Variants in TOP1MT observed in about 807,000 individuals in gnomAD.
TOP1MT encodes DNA topoisomerase I, mitochondrial.
In TOP1MT, 80 loss-of-function variants were observed where a neutral mutation model predicts 73.9. That is an observed-to-expected ratio of 1.08 (90% CI 0.90 to 1.30). TOP1MT has a LOEUF of 1.30. TOP1MT is among the 50% of genes most tolerant of loss of function. TOP1MT has a pLI of 0.00. For missense variants in TOP1MT, 815 were observed against 808.0 expected, an observed-to-expected ratio of 1.01 and a Z score of -0.10; for synonymous variants, 338 against 326.4, an observed-to-expected ratio of 1.04 and a Z score of -0.38.
chr8:143,313,707 T>C (rs984079313), intron 12 of TOP1MT, among the ~76,000 whole-genome samples: 3 of 150,894 alleles, frequency 2.0e-5, no homozygotes, highest in Non-Finnish European at 3.0e-5. Flanking sequence ...ACAAAAAAAT[T>C]AGCCGGGCAT....
At chr8:143,321,778 G>A (rs1275923787) in intron 7 of TOP1MT, among the ~76,000 whole-genome samples, 1 of 76,472 alleles carries the variant, frequency 1.3e-5, no homozygotes, top group East Asian at 4.4e-4. Context: ...CCACACACAC[G>A]CACGCCACAC....
At chr8:143,319,005 C>T (rs1410250500) in intron 8 of TOP1MT, among the ~76,000 whole-genome samples, 1 of 152,220 alleles carries the variant, frequency 6.6e-6, no homozygotes. Context: ...AGTCCTCTGT[C>T]TGGACAGAGT....
intron 1 of TOP1MT, 121 bp downstream of exon 1, chr8:143,334,619 C>G (rs930204145): frequency 2.8e-6 from 4 of 1,437,828 alleles, no homozygotes; most frequent in Non-Finnish European, 3.7e-6. Flanking sequence ...TCTCCTGGCC[C>G]GACTTTTGGG....
intron 10 of TOP1MT, among the ~76,000 whole-genome samples, 161 bp from the exon 11 acceptor site, chr8:143,316,287 G>C (rs915278661): frequency 2.6e-5 from 4 of 152,220 alleles, no homozygotes; most frequent in African/African-American, 9.6e-5. Context: ...GACCCTCCAA[G>C]GTGGCCTCGA....
intron 2 of TOP1MT, among the ~76,000 whole-genome samples, chr8:143,342,118 GAC>G (rs1402254776): frequency 2.3e-5 from 3 of 128,960 alleles, no homozygotes; most frequent in Non-Finnish European, 4.5e-5. Context: ...TATTATTAGA[GAC>G]ACAGTCTCGC....
At chr8:143,320,630 T>C (rs1344453921) in intron 8 of TOP1MT, among the ~76,000 whole-genome samples, 5 of 152,054 alleles carry the variant, frequency 3.3e-5, no homozygotes, top group African/African-American at 4.8e-5. Context: ...ATAGAAAGAG[T>C]GGGCTGGGCC....
At position 143,332,053 on chromosome 8, in the gene TOP1MT, A is replaced by C. The variant is rs569402903; in HGVS notation, c.123-714T>G. The stretch of plus-strand genomic sequence containing the variant: ...CCCCTTCTGGCAAGCCCAGCTCTGG[A>C]GATTGGGGGGGTGTTGGAGGGGGTG... On this transcript the variant is annotated intron_variant, in intron 1 of 13. Coordinates refer to ENST00000329245, the MANE Select transcript of TOP1MT (RefSeq NM_052963.3). 2.0e-4 allele frequency among the ~76,000 whole-genome samples: 23 copies of C among 116,622 alleles called. No homozygotes were observed. In the East Asian group the frequency reaches 6.5e-3, roughly 33 times the overall value. 76.5% of individuals were successfully genotyped at this position (116,622 alleles called of 152,430 possible). A position where few individuals can be genotyped will look rare whatever the true frequency, so the allele number is the denominator to read the frequency against.
intron 2 of TOP1MT, among the ~76,000 whole-genome samples, chr8:143,342,834 G>T (rs377539976): frequency 4.3e-5 from 6 of 140,784 alleles, no homozygotes; most frequent in African/African-American, 1.7e-4. Context: ...ACCCAGGCTG[G>T]AGTGCAGTGG....
intron 12 of TOP1MT, among the ~76,000 whole-genome samples, chr8:143,312,306 A>T (rs1016803281): frequency 6.6e-6 from 1 of 152,238 alleles, no homozygotes; most frequent in African/African-American, 2.4e-5. Context: ...ATGAATACAG[A>T]TGCAAAAACC....
At chr8:143,315,658 C>T in intron 12 of TOP1MT, 69 bp downstream of exon 12, 7 of 1,265,522 alleles carry the variant, frequency 5.5e-6, no homozygotes, top group Non-Finnish European at 6.8e-6. Flanking sequence ...CCCACCGACC[C>T]TGTGGGGCTG....
intron 1 of TOP1MT, among the ~76,000 whole-genome samples, chr8:143,353,297 T>G (rs1429333215): frequency 6.6e-6 from 1 of 151,960 alleles, no homozygotes; most frequent in South Asian, 2.1e-4. Context: ...ACACCTGTAT[T>G]CCCAGCTACT....
intron 3 of TOP1MT, chr8:143,328,181 A>G: frequency 4.4e-6 from 2 of 451,552 alleles, no homozygotes; most frequent in Admixed American, 2.4e-5. Flanking sequence ...AACAGGACAC[A>G]AAAGTACTCA....
chr8:143,325,601 G>A (rs1816686299), intron 4 of TOP1MT, 68 bp from the exon 5 acceptor site: 2 of 1,462,982 alleles, frequency 1.4e-6, no homozygotes, highest in East Asian at 2.3e-5. Context: ...GTCCGTTGTT[G>A]CTAACCCGGG....
chr8:143,347,727 GC>G (rs1817252186), upstream of TOP1MT, among the ~76,000 whole-genome samples: 1 of 151,938 alleles, frequency 6.6e-6, no homozygotes, highest in Non-Finnish European at 1.5e-5. Flanking sequence ...CAGCCAGCCA[GC>G]CAGCGGGGAA....
intron 9 of TOP1MT, 83 bp from the exon 10 acceptor site, chr8:143,317,920 C>T (rs768694846): frequency 1.7e-5 from 27 of 1,590,218 alleles, no homozygotes; most frequent in Non-Finnish European, 2.2e-5. Context: ...ACATGTCAGC[C>T]GTTGGGTCAG....
chr8:143,345,623 T>C (rs561581933), upstream of TOP1MT, among the ~76,000 whole-genome samples: 1 of 152,226 alleles, frequency 6.6e-6, no homozygotes, highest in Non-Finnish European at 1.5e-5. Context: ...AAGGCTTGCA[T>C]TAATTTAGTA....
chr8:143,324,162 G>A lies in TOP1MT; in HGVS notation c.817-20C>T, dbSNP rs370926126. Reference sequence around the variant, plus strand: ...CTCCCCCTAAACGAAGAAAATAACAGGAAAGAAAACATTCACATTCCTGTT... The same window carrying A: ...CTCCCCCTAAACGAAGAAAATAACAAGAAAGAAAACATTCACATTCCTGTT... On this transcript the variant is annotated intron_variant, in intron 6 of 13. Transcript: ENST00000329245. 2 of 1,611,664 alleles carry A rather than the reference G, an allele frequency of 1.2e-6. No homozygotes were observed. The highest frequency in any genetic ancestry group is 2.2e-5 in the East Asian group (1 of 44,868).
At chr8:143,324,781 A>G in intron 5 of TOP1MT, 152 bp from the exon 6 acceptor site, 1 of 933,244 alleles carries the variant, frequency 1.1e-6, no homozygotes, top group Non-Finnish European at 1.6e-6. Flanking sequence ...CCTGCCTGGC[A>G]GCTCAGACAA....
Position 143,341,602 on chromosome 8 carries a change from C to A in TOP1MT, c.29+1618G>T, listed in dbSNP as rs1817082867. ...TTTTAACTCAGCTTTGGAAAATGGCCTCTTGATCTCAGCCCTTGTGGCCTC... is the reference window on the plus strand; with the variant it reads ...TTTTAACTCAGCTTTGGAAAATGGCATCTTGATCTCAGCCCTTGTGGCCTC... On this transcript the variant is annotated intron_variant, in intron 2 of 5. Transcript: ENST00000518007. The surrounding 1 kb of genome is among the most constrained non-coding windows in gnomAD (Gnocchi z 4.1). Among the ~76,000 whole-genome samples the A allele has an allele frequency of 1.3e-5, 2 of 152,258 alleles. No homozygotes were observed. Among genetic ancestry groups the A allele is most frequent in the African/African-American group, 4.8e-5 (2 of 41,474 alleles).
Sources: allele counts gnomAD v4.1 joint callset (sites outside exome capture counted in the v4.1 genomes callset), GRCh38; gene constraint gnomAD v4.1.1; non-coding constraint Gnocchi (gnomAD v3.1); transcripts MANE v1.5; gene names NCBI Gene and HGNC (gene_info 2026-07-23, HGNC 2026-07-21).